Variants in SS18 observed in about 807,000 individuals in gnomAD.
SS18 encodes the protein SS18 subunit of BAF chromatin remodeling complex.
Under a neutral mutation model 72.5 loss-of-function variants are expected in SS18, and 28 were observed. The observed-to-expected ratio is 0.39, with a 90% confidence interval of 0.29 to 0.53. The LOEUF (loss-of-function observed/expected upper bound fraction) is 0.53, where lower values mean the gene tolerates loss of function less well. Ranked by LOEUF, SS18 falls within the 20% of genes least tolerant of loss-of-function variation. The probability of loss-of-function intolerance (pLI) is 0.76; values close to 1 mark genes in which losing one functional copy is unlikely to be tolerated. For missense variants in SS18, 518 were observed against 535.3 expected (o/e 0.97, Z 0.32); for synonymous variants, 172 against 164.2 (o/e 1.05, Z -0.37).
intron 3 of SS18, among the ~76,000 whole-genome samples, chr18:26,074,997 A>C (rs2054386374): frequency 6.6e-6 from 1 of 151,964 alleles, no homozygotes; most frequent in South Asian, 2.1e-4. Flanking sequence ...GTTCAAATTT[A>C]TTAAAATGCT....
At position 26,078,159 on chromosome 18, in the gene SS18, A is replaced by G; in HGVS notation, c.148T>C (p.Tyr50His). ...NKGKTSECSQ[Y>H]QQMLHTNLVY... ...AAGTTTGTGTGCAACATCTGCTGAT[A>G]CCTATTAAAACAAAACAAGTATCAG... Residue 50 changes from tyrosine to histidine, a missense_variant and splice_region_variant, in exon 3 of 11, where the codon TAT becomes CAT. Coordinates refer to ENST00000415083, the MANE Select transcript of SS18 (RefSeq NM_001007559.3). 1 of 1,607,068 alleles carries G rather than the reference A, an allele frequency of 6.2e-7. No homozygotes were observed. Among genetic ancestry groups the G allele is most frequent in the Non-Finnish European group, 8.5e-7 (1 of 1,176,404 alleles).
intron 5 of SS18, 27 bp from the exon 6 acceptor site, chr18:26,039,483 A>G: frequency 6.4e-7 from 1 of 1,556,150 alleles, no homozygotes; most frequent in Admixed American, 1.7e-5. Flanking sequence ...CATTATACAC[A>G]TAATTTTTTG....
At chr18:26,022,757 C>A (rs540346061) in intron 10 of SS18, among the ~76,000 whole-genome samples, 7 of 152,196 alleles carry the variant, frequency 4.6e-5, no homozygotes, top group Non-Finnish European at 1.0e-4. Context: ...GAACCCTCCT[C>A]CTATTCAGCA....
intron 10 of SS18, among the ~76,000 whole-genome samples, chr18:26,021,812 A>T (rs2053355907): frequency 6.6e-6 from 1 of 152,226 alleles, no homozygotes; most frequent in African/African-American, 2.4e-5. Context: ...TAAAGAACAC[A>T]GAAAAGTTTT....
chr18:26,074,610 G>T (rs12964037), intron 3 of SS18, among the ~76,000 whole-genome samples: 8,363 of 151,928 alleles, frequency 0.055, 266 homozygotes, highest in East Asian at 0.12. Flanking sequence ...ATATTAACAT[G>T]CAATAAGTTT....
chr18:26,087,805 T>G (rs2054642923), intron 1 of SS18, among the ~76,000 whole-genome samples: 1 of 152,244 alleles, frequency 6.6e-6, no homozygotes, highest in Admixed American at 6.5e-5. Flanking sequence ...ACTTTGTTAA[T>G]GTTGCTACCC....
chr18:26,045,934 C>T (rs192296728), intron 5 of SS18, among the ~76,000 whole-genome samples: 6 of 152,110 alleles, frequency 3.9e-5, no homozygotes, highest in Non-Finnish European at 7.4e-5. Flanking sequence ...TGTATGTACT[C>T]CCAGTACTTT....
intron 3 of SS18, among the ~76,000 whole-genome samples, chr18:26,065,696 C>T (rs1174541859): frequency 2.0e-5 from 3 of 149,614 alleles, no homozygotes; most frequent in African/African-American, 7.4e-5. Context: ...TCATCAGACA[C>T]CACAGAGAAT....
At chr18:26,021,435 A>G (rs1478615790) in intron 10 of SS18, among the ~76,000 whole-genome samples, 1 of 152,226 alleles carries the variant, frequency 6.6e-6, no homozygotes, top group African/African-American at 2.4e-5. Flanking sequence ...AGCACTCAGC[A>G]GTAGTCATGC....
intron 4 of SS18, among the ~76,000 whole-genome samples, chr18:26,054,258 G>A (rs2053975057): frequency 6.6e-6 from 1 of 152,154 alleles, no homozygotes; most frequent in Admixed American, 6.5e-5. Context: ...ATCCATGGAT[G>A]TGAAATTCAT....
chr18:26,057,504 C>A (rs2054042399), intron 4 of SS18, 85 bp downstream of exon 4: 1 of 1,539,990 alleles, frequency 6.5e-7, no homozygotes, highest in African/African-American at 1.4e-5. Context: ...GTTTTGTCAT[C>A]AACAATCTAG....
At chr18:26,027,015 T>TC (rs2053457260) in intron 10 of SS18, among the ~76,000 whole-genome samples, 1 of 152,138 alleles carries the variant, frequency 6.6e-6, no homozygotes, top group Admixed American at 6.6e-5. Flanking sequence ...CTGTCAGTTC[T>TC]CCCCAAATTA....
At chr18:26,018,891 T>C (rs1415778317) in intron 10 of SS18, among the ~76,000 whole-genome samples, 3 of 152,160 alleles carry the variant, frequency 2.0e-5, no homozygotes, top group Non-Finnish European at 4.4e-5. Flanking sequence ...ACCAAAATAA[T>C]TGAGCCTTTC....
chr18:26,058,244 G>A (rs903336790), intron 3 of SS18, among the ~76,000 whole-genome samples: 1 of 152,176 alleles, frequency 6.6e-6, no homozygotes, highest in Non-Finnish European at 1.5e-5. Flanking sequence ...TTTTTGTGCC[G>A]ACTACTGCTA....
intron 2 of SS18, chr18:26,085,841 A>C (rs1326003031): frequency 1.3e-5 from 2 of 152,232 alleles, no homozygotes; most frequent in Non-Finnish European, 2.9e-5. Context: ...GGGTAAATCA[A>C]ATGACAGCAA....
chr18:26,080,889 C>T (rs983761494), intron 2 of SS18, among the ~76,000 whole-genome samples: 3 of 151,986 alleles, frequency 2.0e-5, no homozygotes, highest in Admixed American at 1.3e-4. Context: ...CAAAACAAGG[C>T]TATTCCCTCA....
intron 5 of SS18, among the ~76,000 whole-genome samples, chr18:26,048,967 A>G (rs929586647): frequency 6.6e-6 from 1 of 152,210 alleles, no homozygotes; most frequent in African/African-American, 2.4e-5. Context: ...GCATCATTTC[A>G]CTTAATCTTA....
At chr18:26,054,833 C>T (rs1048934086) in intron 4 of SS18, among the ~76,000 whole-genome samples, 2 of 151,816 alleles carry the variant, frequency 1.3e-5, no homozygotes, top group East Asian at 2.0e-4. Flanking sequence ...CTCCACTTCC[C>T]GGGTTCAAGC....
intron 3 of SS18, among the ~76,000 whole-genome samples, chr18:26,070,690 A>T (rs1254395985): frequency 6.6e-6 from 1 of 152,224 alleles, no homozygotes; most frequent in East Asian, 1.9e-4. Context: ...CACGAAATAG[A>T]ACTATAAATA....
Sources: gnomAD v4.1 joint callset for allele counts (sites outside exome capture counted in the v4.1 genomes callset) on GRCh38, gnomAD v4.1.1 for gene constraint, MANE v1.5 for transcripts, NCBI Gene and HGNC (gene_info 2026-07-23, HGNC 2026-07-21) for gene names.